Variants in FBXO9 observed in about 807,000 individuals in gnomAD.
FBXO9 encodes F-box only protein 9.
FBXO9 carries 43 observed loss-of-function variants against 63.7 expected under a neutral mutation model. The observed-to-expected ratio is 0.67, with a 90% CI of 0.53 to 0.87. FBXO9 has a LOEUF of 0.87. Ranked by LOEUF, FBXO9 falls within the 40% of genes least tolerant of loss-of-function variation. The probability of loss-of-function intolerance (pLI) is 0.00; values close to 1 mark genes in which losing one functional copy is unlikely to be tolerated. For synonymous variants in FBXO9, 156 were observed against 171.7 expected (o/e 0.91, Z 0.72); for missense variants, 442 against 533.2 (o/e 0.83, Z 1.68).
intron 11 of FBXO9, 126 bp from the exon 12 acceptor site, chr6:53,095,387 A>G (rs1234266810): frequency 6.3e-6 from 5 of 796,928 alleles, no homozygotes; most frequent in Non-Finnish European, 9.4e-6. Context: ...TTCTTGTGAT[A>G]GTCAAAACGA....
chr6:53,096,199 G>A (rs1199803204), intron 12 of FBXO9, among the ~76,000 whole-genome samples: 1 of 152,176 alleles, frequency 6.6e-6, no homozygotes, highest in African/African-American at 2.4e-5. Flanking sequence ...GCATTTACCT[G>A]TACATCATAA....
Position 53,098,032 on chromosome 6 carries a change from TA to T in FBXO9, c.*203del, listed in dbSNP as rs1255109066. ...TCTTTTAAGAAGAATATAAATTGAT[TA>T]TTTTTTTTATTTAAAGGGATAGTTG... On this transcript the variant is annotated 3_prime_UTR_variant, in exon 13 of 13. Transcript: ENST00000323557. The T allele has an allele frequency of 3.4e-4, 59 of 172,782 alleles. No individual in the cohort carries two copies. Among genetic ancestry groups the T allele is most frequent in the East Asian group, 3.1e-3 (19 of 6,038 alleles). The allele number at this position is 172,782 out of a possible 1,614,324, so 10.7% of individuals were successfully genotyped here. A position where few individuals can be genotyped will look rare whatever the true frequency, so the allele number is the denominator to read the frequency against.
chr6:53,076,692 A>G (rs1769122744), intron 4 of FBXO9, 149 bp downstream of exon 4: 1 of 526,372 alleles, frequency 1.9e-6, no homozygotes, highest in Admixed American at 4.3e-5. Flanking sequence ...AATTGGTTCC[A>G]GGACCCTTTG....
At chr6:53,084,000 A>C (rs577192527) in intron 7 of FBXO9, among the ~76,000 whole-genome samples, 1 of 151,980 alleles carries the variant, frequency 6.6e-6, no homozygotes, top group African/African-American at 2.4e-5. Context: ...GAAGGGAATG[A>C]CTCTCAGGCT....
intron 1 of FBXO9, among the ~76,000 whole-genome samples, chr6:53,069,194 A>G (rs1489118579): frequency 6.6e-6 from 1 of 152,210 alleles, no homozygotes; most frequent in Non-Finnish European, 1.5e-5. Flanking sequence ...ATTTTTAGCC[A>G]CCTAACAATA....
intron 7 of FBXO9, chr6:53,091,893 T>A (rs2127498542): frequency 6.5e-6 from 1 of 154,442 alleles, no homozygotes; most frequent in Admixed American, 6.4e-5. Flanking sequence ...AAGCATAAAT[T>A]ATGTTCAAAA....
At chr6:53,084,891 T>C (rs1013711396) in intron 7 of FBXO9, among the ~76,000 whole-genome samples, 9 of 152,130 alleles carry the variant, frequency 5.9e-5, no homozygotes, top group African/African-American at 1.9e-4. Context: ...TCACTTAGGG[T>C]CTTAAGGTTC....
chr6:53,074,165 A>T (rs895156810), intron 3 of FBXO9, among the ~76,000 whole-genome samples: 2 of 152,142 alleles, frequency 1.3e-5, no homozygotes, highest in Admixed American at 6.5e-5. Flanking sequence ...GCTGTCTAAC[A>T]TTCATATCTC....
intron 6 of FBXO9, among the ~76,000 whole-genome samples, chr6:53,081,338 C>G (rs1769305902): frequency 6.6e-6 from 1 of 152,180 alleles, no homozygotes; most frequent in South Asian, 2.1e-4. Flanking sequence ...GTGGTGCAAT[C>G]TCGGCTCACT....
At chr6:53,066,035 A>G (rs2127485136) in intron 1 of FBXO9, 1 of 1,221,310 alleles carries the variant, frequency 8.2e-7, no homozygotes, top group East Asian at 3.2e-5. Context: ...GCTCGATGTG[A>G]GGAGGAGGGT....
chr6:53,097,770 C>A lies in FBXO9; in HGVS notation c.1254C>A (p.Tyr418Ter). 1 of 1,608,564 alleles carries A rather than the reference C, an allele frequency of 6.2e-7. No individual in the cohort carries two copies. Among genetic ancestry groups the A allele is most frequent in the Non-Finnish European group, 8.5e-7 (1 of 1,177,212 alleles). ...AVSAFEIDKM[Y>*]TPLFFARVRS... ...GTGCTTTTGAGATTGACAAGATGTA[C>A]ACCCCCTTGTTCTTCGCCAGAGTAA... Residue 418 changes from tyrosine (Y) to a stop codon, truncating the protein, a stop_gained, in exon 13 of 13, where the codon TAC becomes TAA. Transcript: ENST00000323557. LOFTEE classifies it high-confidence loss of function.
At chr6:53,096,911 G>GA (rs1763228481) in intron 12 of FBXO9, among the ~76,000 whole-genome samples, 1 of 151,660 alleles carries the variant, frequency 6.6e-6, no homozygotes, top group Admixed American at 6.6e-5. Flanking sequence ...GTATCAAAAA[G>GA]AAAAAAAGAA....
chr6:53,065,354 C>G (rs914274074), upstream of FBXO9: 16 of 164,786 alleles, frequency 9.7e-5, no homozygotes, highest in Middle Eastern at 5.3e-3. Flanking sequence ...CTAGGCAGCC[C>G]GCGGGGATGG....
intron 11 of FBXO9, chr6:53,094,937 G>A (rs1023524862): frequency 5.0e-6 from 1 of 201,586 alleles, no homozygotes; most frequent in Non-Finnish European, 1.1e-5. Context: ...TTTCTCTTCA[G>A]AATATGATGA....
intron 1 of FBXO9, among the ~76,000 whole-genome samples, chr6:53,069,015 C>G (rs898686452): frequency 3.3e-5 from 5 of 152,168 alleles, no homozygotes; most frequent in Non-Finnish European, 7.3e-5. Context: ...TATGGCTGCA[C>G]AAGCCTGTAG....
Position 53,080,963 on chromosome 6 carries a change from T to C in FBXO9, c.408-5T>C. 1 of 1,613,468 alleles carries C rather than the reference T, an allele frequency of 6.2e-7. No homozygotes were observed. The highest frequency in any genetic ancestry group is 8.5e-7 in the Non-Finnish European group (1 of 1,179,806). ...CACTTAATTTATTCACCTCCCTTTT[T>C]TCAGCATTGAAGATAATGATGATGA... On this transcript the variant is annotated splice_polypyrimidine_tract_variant and splice_region_variant and intron_variant, in intron 5 of 12. Coordinates refer to ENST00000323557, the MANE Select transcript of FBXO9 (RefSeq NM_033480.3).
At chr6:53,093,423 TGTGTGGGGG>T in intron 9 of FBXO9, 34 bp from the exon 10 acceptor site, 1 of 1,357,772 alleles carries the variant, frequency 7.4e-7, no homozygotes, top group East Asian at 2.3e-5. Context: ...TTTTATACTT[TGTGTGGGGG>T]GTGTGTTTTG....
In FBXO9 at chr6:53,095,052, T is replaced by C. The variant is rs141483766; in HGVS notation, c.1054-461T>C. The stretch of plus-strand genomic sequence containing the variant: ...TGTTTGCTCATTTATTTTACTGTTA[T>C]TGCAAAAGATAAGTTATACTCTGTG... On this transcript the variant is annotated intron_variant, in intron 11 of 12. Transcript: ENST00000323557. Among the ~76,000 whole-genome samples the C allele has an allele frequency of 2.8e-4, 43 of 152,352 alleles. No individual in the cohort carries two copies. In the East Asian group the frequency reaches 5.6e-3, roughly 20 times the overall value.
rs548059706 is a variant in FBXO9 at position 53,065,405 on chromosome 6, T to C, written c.-385T>C. On this transcript the variant is annotated 5_prime_UTR_variant, in exon 1 of 13. The change abolishes an upstream ATG in the 5' untranslated region. Transcript: ENST00000323557. ...ACACGGGCAGCACCGGCACTGCGCA[T>C]GCTCGGCGCGTCGGCGCAGGTTTCC... 2.4e-3 allele frequency: 477 copies of C among 196,218 alleles called. 2 individuals are homozygous for C. Among genetic ancestry groups the C allele is most frequent in the Non-Finnish European group, 3.5e-3 (340 of 96,962 alleles). 12.2% of individuals were successfully genotyped at this position (196,218 alleles called of 1,614,324 possible). A position where few individuals can be genotyped will look rare whatever the true frequency, so the allele number is the denominator to read the frequency against.
Sources: allele counts gnomAD v4.1 joint callset (sites outside exome capture counted in the v4.1 genomes callset), GRCh38; gene constraint gnomAD v4.1.1; transcripts MANE v1.5; gene names NCBI Gene and HGNC (gene_info 2026-07-23, HGNC 2026-07-21).